NTRK2: variants seen among roughly 807,000 people sequenced by gnomAD.
The protein encoded by NTRK2 is neurotrophic receptor tyrosine kinase 2, also known as BDNF/NT-3 growth factors receptor.
In NTRK2, 13 loss-of-function variants were observed where a neutral mutation model predicts 94.5. The ratio of observed to expected loss-of-function variants is 0.14; its 90% confidence interval spans 0.09 to 0.22. The LOEUF is 0.22. NTRK2 is among the 10% of genes least tolerant of loss of function. The pLI, the probability that NTRK2 is intolerant of heterozygous loss-of-function variation, is 1.00. For missense variants in NTRK2, 639 were observed against 1,071.2 expected (o/e 0.60, Z 5.63); for synonymous variants, 372 against 407.4 (o/e 0.91, Z 1.05).
chr9:84,806,686 G>C (rs891587824), intron 12 of NTRK2, among the ~76,000 whole-genome samples: 1 of 152,198 alleles, frequency 6.6e-6, no homozygotes, highest in African/African-American at 2.4e-5. Flanking sequence ...ACAACAGCAA[G>C]GGATAGTTGG....
chr9:84,806,669 A>G (rs141992747), intron 12 of NTRK2, among the ~76,000 whole-genome samples: 1 of 152,342 alleles, frequency 6.6e-6, no homozygotes, highest in East Asian at 1.9e-4. Flanking sequence ...ATAAAATAGA[A>G]AAAGCGACAA....
At chr9:84,827,822 G>A (rs536041005) in intron 12 of NTRK2, among the ~76,000 whole-genome samples, 13 of 152,302 alleles carry the variant, frequency 8.5e-5, no homozygotes, top group Admixed American at 5.9e-4. Flanking sequence ...GCTAACCTCA[G>A]TCTATCAGTT....
intron 17 of NTRK2, among the ~76,000 whole-genome samples, chr9:84,992,911 A>T (rs1234349816): frequency 6.7e-6 from 1 of 149,930 alleles, no homozygotes; most frequent in African/African-American, 2.5e-5. Flanking sequence ...TAAGAAAAAA[A>T]AAATATATAA....
At chr9:84,855,104 T>C (rs1385951118) in intron 12 of NTRK2, among the ~76,000 whole-genome samples, 4 of 152,094 alleles carry the variant, frequency 2.6e-5, no homozygotes, top group African/African-American at 9.7e-5. Flanking sequence ...GGCCTTGTCA[T>C]GAGAGACTCT....
intron 12 of NTRK2, among the ~76,000 whole-genome samples, chr9:84,834,961 G>C (rs2073786555): frequency 6.6e-6 from 1 of 152,216 alleles, no homozygotes; most frequent in South Asian, 2.1e-4. Flanking sequence ...ACTAAAAGCA[G>C]TGGCATTTTT....
At chr9:84,939,051 C>CAAAAAAAAAAAAAAAAAAAAAA (rs138558531) in intron 15 of NTRK2, among the ~76,000 whole-genome samples, 9 of 68,394 alleles carry the variant, frequency 1.3e-4, no homozygotes, top group African/African-American at 1.6e-4. Flanking sequence ...GACCCCAACT[C>CAAAAAAAAAAAAAAAAAAAAAA]AAAAAAAAAA....
chr9:84,675,496 T>C (rs190178289), intron 2 of NTRK2, among the ~76,000 whole-genome samples: 173 of 152,242 alleles, frequency 1.1e-3, no homozygotes, highest in Admixed American at 1.9e-3. Flanking sequence ...AGAGAGTTTC[T>C]TGTAGGTTCA....
At chr9:84,926,756 G>T (rs1041172976) in intron 14 of NTRK2, among the ~76,000 whole-genome samples, 5 of 151,884 alleles carry the variant, frequency 3.3e-5, no homozygotes, top group African/African-American at 9.7e-5. Flanking sequence ...AATAGTTTTG[G>T]TTGTCTCATG....
chr9:84,883,889 G>T (rs2076338214), intron 14 of NTRK2, among the ~76,000 whole-genome samples: 1 of 152,152 alleles, frequency 6.6e-6, no homozygotes, highest in East Asian at 1.9e-4. Flanking sequence ...TAACCTAGTT[G>T]ACTTTTCTCA....
chr9:84,743,344 T>C (rs989486933), intron 10 of NTRK2, among the ~76,000 whole-genome samples: 15 of 152,230 alleles, frequency 9.9e-5, no homozygotes, highest in African/African-American at 1.4e-4. Flanking sequence ...TATATTTATA[T>C]ATATTGATTG....
intron 14 of NTRK2, among the ~76,000 whole-genome samples, chr9:84,904,235 T>C (rs1354124076): frequency 6.6e-6 from 1 of 152,230 alleles, no homozygotes; most frequent in African/African-American, 2.4e-5. Flanking sequence ...AAGGTTTAAT[T>C]ATTAATGGAA....
intron 15 of NTRK2, among the ~76,000 whole-genome samples, chr9:84,945,105 G>C (rs1304976478): frequency 6.6e-6 from 1 of 152,206 alleles, no homozygotes; most frequent in Non-Finnish European, 1.5e-5. Context: ...CTCTCCAGGA[G>C]AGAGTGCATT....
At chr9:84,903,153 GT>G (rs1209440907) in intron 14 of NTRK2, among the ~76,000 whole-genome samples, 12 of 152,128 alleles carry the variant, frequency 7.9e-5, no homozygotes, top group Admixed American at 2.0e-4. Flanking sequence ...CTTGTTTAAA[GT>G]GGCTATGAAA....
chr9:85,001,922 CT>C (rs1453414958), intron 17 of NTRK2, among the ~76,000 whole-genome samples: 1 of 152,214 alleles, frequency 6.6e-6, no homozygotes, highest in Admixed American at 6.5e-5. Flanking sequence ...AAACGCCCCC[CT>C]AGTATCCTAT....
chr9:84,867,164 G>T, intron 13 of NTRK2, 79 bp from the exon 14 acceptor site: 4 of 1,369,694 alleles, frequency 2.9e-6, no homozygotes, highest in Non-Finnish European at 4.1e-6. Context: ...TACTTTAAAT[G>T]GGTAAATTTT....
intron 17 of NTRK2, among the ~76,000 whole-genome samples, chr9:84,961,666 T>A (rs1824948974): frequency 6.6e-6 from 1 of 152,186 alleles, no homozygotes; most frequent in African/African-American, 2.4e-5. Context: ...CTAGATGCAA[T>A]GGTAGATGCA....
chr9:84,911,652 T>C (rs2077238803), intron 14 of NTRK2, among the ~76,000 whole-genome samples: 1 of 152,198 alleles, frequency 6.6e-6, no homozygotes, highest in African/African-American at 2.4e-5. Flanking sequence ...CTCTCTTATT[T>C]TCTTTGTATT....
chr9:84,966,669 G>A (rs956590600), intron 17 of NTRK2, among the ~76,000 whole-genome samples: 15 of 152,246 alleles, frequency 9.9e-5, no homozygotes, highest in African/African-American at 3.6e-4. Context: ...CTGGCCTTAT[G>A]ATCTGCCCCA....
At chr9:84,761,436 G>A (rs371874883) in intron 12 of NTRK2, among the ~76,000 whole-genome samples, 362 of 152,216 alleles carry the variant, frequency 2.4e-3, no homozygotes, top group South Asian at 4.1e-3. Flanking sequence ...TCCTGCACTT[G>A]CTTCCTGGAT....
Sources: gnomAD v4.1 joint callset for allele counts (sites outside exome capture counted in the v4.1 genomes callset) on GRCh38, gnomAD v4.1.1 for gene constraint, MANE v1.5 for transcripts, NCBI Gene and HGNC (gene_info 2026-07-23, HGNC 2026-07-21) for gene names.